PKHD1: variants seen among roughly 807,000 people sequenced by gnomAD.
PKHD1 encodes the protein fibrocystin.
A neutral mutation model predicts 412.0 loss-of-function variants in PKHD1; 291 were observed. The observed-to-expected ratio is 0.71, with a 90% confidence interval of 0.64 to 0.78. The LOEUF (loss-of-function observed/expected upper bound fraction) is 0.78. PKHD1 is among the 30% of genes least tolerant of loss of function. The probability of loss-of-function intolerance (pLI) is 0.00; values close to 1 mark genes in which losing one functional copy is unlikely to be tolerated. For synonymous variants in PKHD1, 1,777 were observed against 1,821.5 expected (o/e 0.98, Z 0.62); for missense variants, 4,825 against 4,950.7 (o/e 0.97, Z 0.76).
At chr6:51,635,437 A>G (rs1363532065) in intron 64 of PKHD1, among the ~76,000 whole-genome samples, 1 of 152,166 alleles carries the variant, frequency 6.6e-6, no homozygotes, top group Non-Finnish European at 1.5e-5. Context: ...ATCTCAATAT[A>G]TTCACTTATT....
chr6:51,861,886 T>C (rs896319726), intron 48 of PKHD1, among the ~76,000 whole-genome samples: 3 of 152,254 alleles, frequency 2.0e-5, no homozygotes, highest in African/African-American at 7.2e-5. Flanking sequence ...ATGTCCATTA[T>C]CCTACTTTAG....
At chr6:51,632,980 CTT>C (rs953577625) in intron 64 of PKHD1, among the ~76,000 whole-genome samples, 2 of 152,134 alleles carry the variant, frequency 1.3e-5, no homozygotes, top group Non-Finnish European at 2.9e-5. Flanking sequence ...CCAATTCTCT[CTT>C]TTAATTTTCA....
At chr6:51,932,659 T>C (rs1247142064) in intron 37 of PKHD1, among the ~76,000 whole-genome samples, 2 of 152,200 alleles carry the variant, frequency 1.3e-5, no homozygotes, top group Non-Finnish European at 2.9e-5. Context: ...CTGATGAAGA[T>C]AGGAGGTAAA....
intron 64 of PKHD1, among the ~76,000 whole-genome samples, chr6:51,636,314 G>A (rs1443640786): frequency 6.6e-6 from 1 of 152,070 alleles, no homozygotes; most frequent in African/African-American, 2.4e-5. Context: ...TGCCTATAAT[G>A]CCAGCATGAG....
At chr6:51,970,975 ACT>A (rs1418347388) in intron 35 of PKHD1, among the ~76,000 whole-genome samples, 3 of 152,118 alleles carry the variant, frequency 2.0e-5, no homozygotes, top group Non-Finnish European at 4.4e-5. Flanking sequence ...GGTTCTTCTA[ACT>A]CTGCAAAAAA....
intron 6 of PKHD1, among the ~76,000 whole-genome samples, chr6:52,076,072 G>C (rs1229941862): frequency 6.6e-6 from 1 of 152,018 alleles, no homozygotes; most frequent in Non-Finnish European, 1.5e-5. Flanking sequence ...GATTCCTTTT[G>C]TTATCAGTGA....
At chr6:51,666,188 T>C (rs1040796980) in intron 60 of PKHD1, among the ~76,000 whole-genome samples, 2 of 152,126 alleles carry the variant, frequency 1.3e-5, no homozygotes, top group African/African-American at 2.4e-5. Flanking sequence ...GGTACAAAGA[T>C]ATCAATTCAA....
chr6:52,000,860 A>G (rs1481755191), intron 35 of PKHD1, among the ~76,000 whole-genome samples: 2 of 152,248 alleles, frequency 1.3e-5, no homozygotes, highest in Non-Finnish European at 2.9e-5. Flanking sequence ...GCAGGCTAAT[A>G]TCATAAACTC....
chr6:51,977,625 C>T (rs1199537538), intron 35 of PKHD1, among the ~76,000 whole-genome samples: 1 of 152,252 alleles, frequency 6.6e-6, no homozygotes, highest in Non-Finnish European at 1.5e-5. Context: ...TTACCCCACA[C>T]TGCCTTACGA....
At chr6:51,699,855 C>T (rs1047769463) in intron 60 of PKHD1, among the ~76,000 whole-genome samples, 1 of 149,248 alleles carries the variant, frequency 6.7e-6, no homozygotes, top group Non-Finnish European at 1.5e-5. Flanking sequence ...AAATATTTGG[C>T]GAGAACTATT....
At chr6:51,984,703 T>C (rs1583717030) in intron 35 of PKHD1, among the ~76,000 whole-genome samples, 1 of 152,214 alleles carries the variant, frequency 6.6e-6, no homozygotes, top group African/African-American at 2.4e-5. Context: ...GCCTGAGGCA[T>C]TCCTGGACCA....
At position 51,659,969 on chromosome 6, in the gene PKHD1, C is replaced by A; in HGVS notation, c.10157G>T (p.Gly3386Val). ...AEWTASFFNA[G>V]TFREEQKCTY... Reference sequence around the variant, plus strand: ...ACATTTCTGTTCTTCTCTAAATGTACCTATAAAAGAAAAGAAGCAAAACAA... The same window carrying A: ...ACATTTCTGTTCTTCTCTAAATGTAACTATAAAAGAAAAGAAGCAAAACAA... Residue 3386 changes from glycine (G) to valine (V), a missense_variant and splice_region_variant, in exon 61 of 67, where the codon GGT becomes GTT. Transcript: ENST00000371117. 1 of 1,585,532 alleles carries A rather than the reference C, an allele frequency of 6.3e-7. No individual in the cohort carries two copies.
At chr6:51,751,739 C>T (rs1446673821) in intron 57 of PKHD1, among the ~76,000 whole-genome samples, 1 of 152,096 alleles carries the variant, frequency 6.6e-6, no homozygotes, top group Non-Finnish European at 1.5e-5. Flanking sequence ...CTATTTTTCA[C>T]CTCAAGGAGT....
intron 65 of PKHD1, among the ~76,000 whole-genome samples, chr6:51,630,496 A>T (rs186813641): frequency 6.6e-6 from 1 of 152,314 alleles, no homozygotes. Flanking sequence ...ATTATTTTAA[A>T]ATAAGTTAAT....
At chr6:51,697,203 TAA>T (rs1778906708) in intron 60 of PKHD1, among the ~76,000 whole-genome samples, 1 of 151,676 alleles carries the variant, frequency 6.6e-6, no homozygotes, top group Non-Finnish European at 1.5e-5. Context: ...AATAAATAAA[TAA>T]ATATAAAGGA....
At chr6:51,713,106 T>C (rs933414794) in intron 60 of PKHD1, among the ~76,000 whole-genome samples, 1 of 152,186 alleles carries the variant, frequency 6.6e-6, no homozygotes, top group Non-Finnish European at 1.5e-5. Flanking sequence ...TCATTAATAA[T>C]GTATAATTAT....
At position 51,912,533 on chromosome 6, in the gene PKHD1, G is replaced by A. The variant is rs1300160004; in HGVS notation, c.6165C>T (p.Ala2055=). 1 of 1,613,194 alleles carries A rather than the reference G, an allele frequency of 6.2e-7. No homozygotes were observed. Among genetic ancestry groups the A allele is most frequent in the Admixed American group, 1.7e-5 (1 of 59,912 alleles). The change falls in exon 38 of 67, where the codon GCC becomes GCT. Residue 2055 remains alanine (A), a synonymous_variant. Coordinates refer to ENST00000371117, the MANE Select transcript of PKHD1 (RefSeq NM_138694.4). ...EVIVTCLRAT[A]HALDTVLALE... ...AAGCCAGCACTGTGTCTAGGGCATGGGCAGTTGCTCTAAGACAGGTGACAA... is the reference window on the plus strand; with the variant it reads ...AAGCCAGCACTGTGTCTAGGGCATGAGCAGTTGCTCTAAGACAGGTGACAA...
chr6:51,651,411 C>G (rs1770943475), intron 61 of PKHD1, among the ~76,000 whole-genome samples: 1 of 152,088 alleles, frequency 6.6e-6, no homozygotes, highest in Non-Finnish European at 1.5e-5. Context: ...AATGCAGGGT[C>G]CTGTTAATGA....
intron 27 of PKHD1, among the ~76,000 whole-genome samples, chr6:52,038,442 G>T (rs1457416748): frequency 3.3e-5 from 5 of 151,922 alleles, no homozygotes; most frequent in Non-Finnish European, 7.4e-5. Context: ...GACACAGGGA[G>T]GATACCATAT....
Sources: gnomAD v4.1 joint callset for allele counts (sites outside exome capture counted in the v4.1 genomes callset) on GRCh38, gnomAD v4.1.1 for gene constraint, MANE v1.5 for transcripts, NCBI Gene and HGNC (gene_info 2026-07-23, HGNC 2026-07-21) for gene names.